Variants in CEP83 observed in about 807,000 individuals in gnomAD.
CEP83 encodes centrosomal protein of 83 kDa.
A neutral mutation model predicts 101.9 loss-of-function variants in CEP83; 70 were observed. The ratio of observed to expected loss-of-function variants is 0.69; its 90% CI spans 0.57 to 0.84. CEP83 has a LOEUF of 0.84. Ranked by LOEUF, CEP83 falls within the 40% of genes least tolerant of loss-of-function variation. The probability of loss-of-function intolerance (pLI) is 0.00; values close to 1 mark genes in which losing one functional copy is unlikely to be tolerated. For missense variants in CEP83, 715 were observed against 787.2 expected (o/e 0.91, Z 1.10); for synonymous variants, 264 against 267.9 (o/e 0.99, Z 0.14).
chr12:94,269,707 G>T, the CEP83 span, among the ~76,000 whole-genome samples: 2 of 152,166 alleles, frequency 1.3e-5, no homozygotes, highest in Non-Finnish European at 2.9e-5. Flanking sequence ...ACCATTTGTG[G>T]AGAAACAGTG....
At chr12:94,267,330 G>A in the CEP83 span, among the ~76,000 whole-genome samples, 5 of 152,160 alleles carry the variant, frequency 3.3e-5, no homozygotes, top group Non-Finnish European at 7.3e-5. Context: ...ACATCTGAAC[G>A]TGTTTTCTCC....
chr12:94,339,860 A>C (rs2059605183), intron 11 of CEP83, among the ~76,000 whole-genome samples: 1 of 152,208 alleles, frequency 6.6e-6, no homozygotes, highest in African/African-American at 2.4e-5. Flanking sequence ...AGGATACAAT[A>C]ATTGATAGGA....
chr12:94,360,534 T>G (rs902531582), intron 11 of CEP83, among the ~76,000 whole-genome samples: 2 of 151,736 alleles, frequency 1.3e-5, no homozygotes, highest in Non-Finnish European at 2.9e-5. Context: ...AAAATACCTA[T>G]GAATAAATTT....
chr12:94,304,150 G>A (rs981420578), downstream of CEP83: 3 of 756,388 alleles, frequency 4.0e-6, no homozygotes, highest in Admixed American at 5.7e-5. Flanking sequence ...CATCCCAAAA[G>A]GCCAGAAAGG....
the CEP83 span, chr12:94,298,868 T>C: frequency 2.2e-6 from 3 of 1,394,386 alleles, no homozygotes; most frequent in Non-Finnish European, 3.0e-6. Context: ...AAGACATAGA[T>C]AGTTATAGAA....
intron 11 of CEP83, among the ~76,000 whole-genome samples, chr12:94,352,684 G>C (rs1195234838): frequency 6.6e-6 from 1 of 152,018 alleles, no homozygotes; most frequent in Admixed American, 6.5e-5. Context: ...TGGAGCTGAA[G>C]AATTCCATGA....
At chr12:94,292,902 A>G in the CEP83 span, among the ~76,000 whole-genome samples, 1 of 152,232 alleles carries the variant, frequency 6.6e-6, no homozygotes, top group East Asian at 1.9e-4. Context: ...AATAAATTAT[A>G]AGCGTACTGC....
At chr12:94,286,723 TTTAAAG>T in the CEP83 span, among the ~76,000 whole-genome samples, 2 of 152,018 alleles carry the variant, frequency 1.3e-5, no homozygotes, top group Non-Finnish European at 2.9e-5. Context: ...TTAGTTAGGT[TTTAAAG>T]TTAATCTGTA....
chr12:94,415,614 TTAA>T (rs1344155617), intron 2 of CEP83, among the ~76,000 whole-genome samples: 1 of 151,968 alleles, frequency 6.6e-6, no homozygotes, highest in African/African-American at 2.4e-5. Context: ...GAGAGAGAAA[TTAA>T]TAATGATAAA....
At chr12:94,424,362 G>C in intron 2 of CEP83, 1 of 1,614,016 alleles carries the variant, frequency 6.2e-7, no homozygotes, top group Non-Finnish European at 8.5e-7. Context: ...ACTCCAGGGG[G>C]TGTCTTAATA....
intron 2 of CEP83, among the ~76,000 whole-genome samples, chr12:94,433,420 C>G (rs977002707): frequency 2.1e-4 from 32 of 152,134 alleles, no homozygotes; most frequent in East Asian, 3.9e-4. Context: ...GTGGCTCATA[C>G]CTATAATCCT....
the CEP83 span, among the ~76,000 whole-genome samples, chr12:94,269,578 A>T: frequency 6.6e-6 from 1 of 152,226 alleles, no homozygotes; most frequent in African/African-American, 2.4e-5. Flanking sequence ...AAGATCCATT[A>T]GCCCCGTAAT....
At chr12:94,300,775 C>A in the CEP83 span, 1 of 601,516 alleles carries the variant, frequency 1.7e-6, no homozygotes, top group South Asian at 3.6e-5. Flanking sequence ...CTGTCTGTTG[C>A]TTGGTATGTT....
At chr12:94,328,321 A>C in intron 14 of CEP83, 1 of 319,502 alleles carries the variant, frequency 3.1e-6, no homozygotes, top group South Asian at 2.6e-5. Context: ...TTTCCAAACA[A>C]ATCAACACAA....
intron 13 of CEP83, among the ~76,000 whole-genome samples, chr12:94,332,193 A>G (rs1374838587): frequency 6.6e-6 from 1 of 152,214 alleles, no homozygotes; most frequent in East Asian, 1.9e-4. Context: ...TGTGAAGTAT[A>G]ATAACCATCA....
At chr12:94,416,725 C>A (rs191107181) in intron 2 of CEP83, among the ~76,000 whole-genome samples, 8 of 152,060 alleles carry the variant, frequency 5.3e-5, no homozygotes, top group African/African-American at 1.9e-4. Context: ...CTTCCTGAAC[C>A]GTAATAAAGC....
intron 8 of CEP83, among the ~76,000 whole-genome samples, chr12:94,371,622 T>C (rs1182816878): frequency 6.6e-6 from 1 of 151,794 alleles, no homozygotes; most frequent in Non-Finnish European, 1.5e-5. Context: ...ATACAGAAAA[T>C]GTGAGATGGC....
At chr12:94,344,368 G>A (rs2059835651) in intron 11 of CEP83, among the ~76,000 whole-genome samples, 1 of 152,112 alleles carries the variant, frequency 6.6e-6, no homozygotes, top group Admixed American at 6.5e-5. Flanking sequence ...AGAATAAACT[G>A]TAGTAAAATT....
the CEP83 span, among the ~76,000 whole-genome samples, chr12:94,269,105 G>A: frequency 2.6e-5 from 4 of 152,244 alleles, no homozygotes; most frequent in East Asian, 3.9e-4. Context: ...CCAATAACTC[G>A]TAGCAAGCGT....
Sources: gnomAD v4.1 joint callset for allele counts (sites outside exome capture counted in the v4.1 genomes callset) on GRCh38, gnomAD v4.1.1 for gene constraint, MANE v1.5 for transcripts, NCBI Gene and HGNC (gene_info 2026-07-23, HGNC 2026-07-21) for gene names.